OPCML: variants seen among roughly 807,000 people sequenced by gnomAD.
The protein encoded by OPCML is opioid-binding protein/cell adhesion molecule.
Under a neutral mutation model 37.8 loss-of-function variants are expected in OPCML, and 13 were observed. The observed-to-expected ratio is 0.34, with a 90% CI of 0.22 to 0.55. The LOEUF is 0.55. Ranked by LOEUF, OPCML falls within the 20% of genes least tolerant of loss-of-function variation. The probability of loss-of-function intolerance (pLI) is 0.91; values close to 1 mark genes in which losing one functional copy is unlikely to be tolerated. For synonymous variants in OPCML, 176 were observed against 168.8 expected (o/e 1.04, Z -0.33); for missense variants, 341 against 435.6 (o/e 0.78, Z 1.93).
intron 1 of OPCML, among the ~76,000 whole-genome samples, chr11:133,207,686 G>A (rs1277232639): frequency 6.6e-6 from 1 of 152,144 alleles, no homozygotes; most frequent in African/African-American, 2.4e-5. Context: ...TGCCACTGGT[G>A]CCATAAGTCT....
At chr11:132,763,851 C>T (rs1009765870) in intron 2 of OPCML, among the ~76,000 whole-genome samples, 10 of 152,208 alleles carry the variant, frequency 6.6e-5, no homozygotes, top group East Asian at 5.8e-4. Flanking sequence ...ATGCCTTCCC[C>T]GCTTTCATTC....
intron 1 of OPCML, among the ~76,000 whole-genome samples, chr11:133,333,034 G>A (rs1423667487): frequency 1.3e-5 from 2 of 151,502 alleles, no homozygotes; most frequent in African/African-American, 4.9e-5. Flanking sequence ...TCTTTTAGTA[G>A]TAGTAGTAGT....
chr11:133,224,266 C>G (rs1376482751), intron 1 of OPCML, among the ~76,000 whole-genome samples: 1 of 152,108 alleles, frequency 6.6e-6, no homozygotes, highest in Non-Finnish European at 1.5e-5. Flanking sequence ...GGAAGCGAAA[C>G]AAGAGAAAAA....
intron 1 of OPCML, among the ~76,000 whole-genome samples, chr11:133,386,084 A>C (rs1268633900): frequency 6.6e-6 from 1 of 152,212 alleles, no homozygotes; most frequent in African/African-American, 2.4e-5. Context: ...AATGAGCTGA[A>C]GTGTGAGAAT....
intron 1 of OPCML, among the ~76,000 whole-genome samples, chr11:133,076,220 C>T (rs1948619185): frequency 6.6e-6 from 1 of 152,140 alleles, no homozygotes; most frequent in African/African-American, 2.4e-5. Context: ...GCAATGCATG[C>T]ATACCTTTGG....
At chr11:132,695,363 T>G (rs1943564412) in intron 2 of OPCML, among the ~76,000 whole-genome samples, 1 of 152,090 alleles carries the variant, frequency 6.6e-6, no homozygotes, top group South Asian at 2.1e-4. Context: ...CTAGGCCAAA[T>G]AAAAGCACAA....
At chr11:133,182,924 G>A (rs1937905124) in intron 1 of OPCML, among the ~76,000 whole-genome samples, 1 of 152,066 alleles carries the variant, frequency 6.6e-6, no homozygotes, top group African/African-American at 2.4e-5. Context: ...AATTCATCTG[G>A]CTAATCTGTA....
At chr11:133,391,883 G>A (rs11824295) in intron 1 of OPCML, among the ~76,000 whole-genome samples, 9,256 of 152,158 alleles carry the variant, frequency 0.061, 362 homozygotes, top group Admixed American at 0.13. Flanking sequence ...AAGATTCAAA[G>A]TTCAGTAATT....
At chr11:132,495,015 CTTTT>C (rs35970569) in intron 4 of OPCML, among the ~76,000 whole-genome samples, 1 of 146,390 alleles carries the variant, frequency 6.8e-6, no homozygotes. Context: ...TTGTGGATGA[CTTTT>C]TTTTTTTTTT....
chr11:133,272,060 G>A (rs914365067), intron 1 of OPCML, among the ~76,000 whole-genome samples: 1 of 152,078 alleles, frequency 6.6e-6, no homozygotes, highest in Non-Finnish European at 1.5e-5. Context: ...TGAGCACAGG[G>A]ACAATTCCTG....
intron 1 of OPCML, among the ~76,000 whole-genome samples, chr11:133,464,831 T>G (rs965183432): frequency 4.6e-5 from 7 of 152,138 alleles, no homozygotes; most frequent in Admixed American, 4.6e-4. Context: ...TGAGAGATAT[T>G]CAGGACCTGT....
intron 2 of OPCML, among the ~76,000 whole-genome samples, chr11:132,909,019 C>A (rs1944337151): frequency 6.7e-6 from 1 of 148,730 alleles, no homozygotes; most frequent in Non-Finnish European, 1.5e-5. Flanking sequence ...TGCCATCGCT[C>A]CTCCTCAGAA....
intron 2 of OPCML, among the ~76,000 whole-genome samples, chr11:132,914,314 C>T (rs925747832): frequency 2.0e-5 from 3 of 152,222 alleles, no homozygotes; most frequent in Admixed American, 6.5e-5. Flanking sequence ...TTGATCCATT[C>T]TGAACTTGGT....
rs1401757322 is a variant in OPCML at position 133,174,841 on chromosome 11, C to A, written c.62-231831G>T. The stretch of plus-strand genomic sequence containing the variant: ...CTAGAAAAAGAGTACTTTAAAATAA[C>A]CTGTAATCCCAGCACTTTGGGAGGC... On this transcript the variant is annotated intron_variant, in intron 1 of 7. Coordinates refer to ENST00000524381, the MANE Select transcript of OPCML (RefSeq NM_001012393.5). The surrounding 1 kb of genome is among the most constrained non-coding windows in gnomAD (Gnocchi z 4.6). 3.3e-5 allele frequency among the ~76,000 whole-genome samples: 5 copies of A among 152,122 alleles called. No individual in the cohort carries two copies. The East Asian group carries it at 9.6e-4, about 29-fold the overall frequency.
At chr11:132,990,700 C>G (rs1030962041) in intron 1 of OPCML, among the ~76,000 whole-genome samples, 2 of 152,144 alleles carry the variant, frequency 1.3e-5, no homozygotes, top group African/African-American at 4.8e-5. Context: ...TATGGCAAAC[C>G]TCCATCATCA....
At chr11:133,531,153 T>A (rs1948597489) in intron 1 of OPCML, among the ~76,000 whole-genome samples, 1 of 152,208 alleles carries the variant, frequency 6.6e-6, no homozygotes, top group Admixed American at 6.5e-5. Context: ...TGCTGCTGCC[T>A]AAAACCTTGG....
intron 2 of OPCML, among the ~76,000 whole-genome samples, chr11:132,912,615 C>A (rs1944462809): frequency 6.6e-6 from 1 of 152,116 alleles, no homozygotes; most frequent in Non-Finnish European, 1.5e-5. Flanking sequence ...CCAAGACAAC[C>A]CCTATGACAG....
At chr11:132,924,482 A>C (rs189785414) in intron 2 of OPCML, among the ~76,000 whole-genome samples, 2 of 152,318 alleles carry the variant, frequency 1.3e-5, no homozygotes, top group Non-Finnish European at 2.9e-5. Flanking sequence ...AGTCTATTGA[A>C]GACAAATCTG....
chr11:132,489,548 G>A (rs2096209609), intron 4 of OPCML, among the ~76,000 whole-genome samples: 1 of 152,130 alleles, frequency 6.6e-6, no homozygotes, highest in South Asian at 2.1e-4. Flanking sequence ...GTGTCACCAG[G>A]AACATATGAG....
Sources: allele counts gnomAD v4.1 joint callset (sites outside exome capture counted in the v4.1 genomes callset), GRCh38; gene constraint gnomAD v4.1.1; non-coding constraint Gnocchi (gnomAD v3.1); transcripts MANE v1.5; gene names NCBI Gene and HGNC (gene_info 2026-07-23, HGNC 2026-07-21).